Variants in MORC1 observed in about 807,000 individuals in gnomAD.
MORC1 encodes MORC family CW-type zinc finger 1.
In MORC1, 59 loss-of-function variants were observed where a neutral mutation model predicts 134.9. The ratio of observed to expected loss-of-function variants is 0.44; its 90% confidence interval spans 0.35 to 0.54. MORC1 has a LOEUF of 0.54. Ranked by LOEUF, MORC1 falls within the 20% of genes least tolerant of loss-of-function variation. The probability of loss-of-function intolerance (pLI) is 0.00; values close to 1 mark genes in which losing one functional copy is unlikely to be tolerated. For missense variants in MORC1, 947 were observed against 1,134.5 expected (o/e 0.83, Z 2.37); for synonymous variants, 395 against 391.7 (o/e 1.01, Z -0.10).
At chr3:108,961,658 A>G (rs1444241931) in intron 27 of MORC1, among the ~76,000 whole-genome samples, 1 of 152,192 alleles carries the variant, frequency 6.6e-6, no homozygotes, top group African/African-American at 2.4e-5. Context: ...GAGCCCTTTG[A>G]GTACCTCTCC....
At chr3:109,111,651 G>A (rs1422346651) in intron 2 of MORC1, among the ~76,000 whole-genome samples, 1 of 152,174 alleles carries the variant, frequency 6.6e-6, no homozygotes, top group Admixed American at 6.5e-5. Context: ...GCATAGGCAA[G>A]GAAGACTTAG....
chr3:109,063,841 C>G (rs1349224813), intron 9 of MORC1, among the ~76,000 whole-genome samples: 1 of 152,084 alleles, frequency 6.6e-6, no homozygotes, highest in African/African-American at 2.4e-5. Flanking sequence ...GAGAAAAGCT[C>G]TACAGAACCT....
At chr3:109,087,807 C>T (rs1950644652) in intron 8 of MORC1, among the ~76,000 whole-genome samples, 1 of 152,046 alleles carries the variant, frequency 6.6e-6, no homozygotes, top group East Asian at 1.9e-4. Context: ...GGAGGCACCA[C>T]ATTACCCGAC....
chr3:109,111,166 T>C (rs1951162271), intron 2 of MORC1, among the ~76,000 whole-genome samples: 1 of 151,586 alleles, frequency 6.6e-6, no homozygotes, highest in Non-Finnish European at 1.5e-5. Context: ...GGTAATAGTG[T>C]ACTATAAGAA....
rs549195685 is a variant in MORC1, at chr3:109,009,447, G to A, written c.1705-2356C>T. On this transcript the variant is annotated intron_variant, in intron 17 of 27. Coordinates refer to ENST00000232603, the MANE Select transcript of MORC1 (RefSeq NM_014429.4). ...TCTCCATCTCTTGACCTCATGATCCGCCCACCTCAGCCTCCCAAAGTGCTG... is the reference window on the plus strand; with the variant it reads ...TCTCCATCTCTTGACCTCATGATCCACCCACCTCAGCCTCCCAAAGTGCTG... Among the ~76,000 whole-genome samples the A allele has an allele frequency of 2.6e-5, 4 of 151,886 alleles. No individual in the cohort carries two copies. In the South Asian group the frequency reaches 6.2e-4, roughly 24 times the overall value.
At chr3:108,967,322 T>C (rs1188530509) in intron 26 of MORC1, among the ~76,000 whole-genome samples, 1 of 152,194 alleles carries the variant, frequency 6.6e-6, no homozygotes, top group Non-Finnish European at 1.5e-5. Flanking sequence ...AACAGCTGTA[T>C]GACAGTATAA....
At chr3:109,029,248 C>A (rs916622727) in intron 16 of MORC1, among the ~76,000 whole-genome samples, 2 of 152,170 alleles carry the variant, frequency 1.3e-5, no homozygotes, top group African/African-American at 4.8e-5. Context: ...GTTAGGTAAA[C>A]AAATTCTAGG....
At chr3:109,077,566 T>C (rs1950445812) in intron 8 of MORC1, among the ~76,000 whole-genome samples, 1 of 152,042 alleles carries the variant, frequency 6.6e-6, no homozygotes, top group South Asian at 2.1e-4. Context: ...TGAAAGTATA[T>C]AATGGAGCAA....
At position 109,041,451 on chromosome 3, in the gene MORC1, C is replaced by A. The variant is rs189598253; in HGVS notation, c.1331-5983G>T. Among the ~76,000 whole-genome samples the A allele has an allele frequency of 3.3e-4, 50 of 152,202 alleles. 1 individual carries two copies. In the East Asian group the frequency reaches 8.9e-3, roughly 27 times the overall value. The stretch of plus-strand genomic sequence containing the variant: ...AAGTGGCCAGGCACAGTGGCTCACA[C>A]CTGTAATTCTAGCACTTTGGGAGGC... On this transcript the variant is annotated intron_variant, in intron 14 of 27. Transcript: ENST00000232603.
At chr3:109,015,956 T>G (rs1948807870) in intron 17 of MORC1, among the ~76,000 whole-genome samples, 1 of 152,210 alleles carries the variant, frequency 6.6e-6, no homozygotes, top group Non-Finnish European at 1.5e-5. Flanking sequence ...TTGGAATATT[T>G]GCATATATAT....
chr3:109,006,999 A>G (rs746264206), intron 18 of MORC1, 30 bp downstream of exon 18: 2 of 1,537,846 alleles, frequency 1.3e-6, no homozygotes, highest in Non-Finnish European at 1.8e-6. Flanking sequence ...AACATGACAC[A>G]AATTGCTTAA....
chr3:109,057,621 C>T, intron 12 of MORC1, 135 bp from the exon 13 acceptor site: 2 of 647,602 alleles, frequency 3.1e-6, no homozygotes, highest in South Asian at 3.3e-5. Context: ...CTGGTAGGCA[C>T]ACTCAGTTGT....
At chr3:109,044,796 T>C (rs934873936) in intron 14 of MORC1, among the ~76,000 whole-genome samples, 7 of 150,838 alleles carry the variant, frequency 4.6e-5, no homozygotes, top group Non-Finnish European at 8.9e-5. Flanking sequence ...ACACAAAAAA[T>C]TAGCCAGGTG....
intron 13 of MORC1, among the ~76,000 whole-genome samples, chr3:109,056,892 C>T (rs1312486031): frequency 6.6e-6 from 1 of 152,132 alleles, no homozygotes; most frequent in African/African-American, 2.4e-5. Context: ...ATGTATTACG[C>T]TAAAATCCAA....
chr3:109,089,914 A>G (rs1035952303), intron 8 of MORC1, among the ~76,000 whole-genome samples: 5 of 152,106 alleles, frequency 3.3e-5, no homozygotes, highest in Non-Finnish European at 7.3e-5. Context: ...TTACGGCGAC[A>G]TATAAATTTA....
chr3:109,079,068 T>C (rs1228340380), intron 8 of MORC1, among the ~76,000 whole-genome samples: 3 of 152,038 alleles, frequency 2.0e-5, no homozygotes, highest in Non-Finnish European at 4.4e-5. Flanking sequence ...TCACTTTACG[T>C]AAACTCTTCC....
chr3:109,095,684 T>C (rs1467317281), intron 6 of MORC1, among the ~76,000 whole-genome samples: 1 of 152,150 alleles, frequency 6.6e-6, no homozygotes, highest in East Asian at 1.9e-4. Flanking sequence ...AAAGTATACT[T>C]AGCAGATGCT....
At chr3:108,970,903 TA>T (rs773794498) in intron 25 of MORC1, among the ~76,000 whole-genome samples, 113 of 152,358 alleles carry the variant, frequency 7.4e-4, no homozygotes, top group Non-Finnish European at 1.3e-3. Flanking sequence ...GGAGATTTGG[TA>T]AACACAATTT....
chr3:109,060,637 A>T (rs1341019093), intron 11 of MORC1, among the ~76,000 whole-genome samples: 3 of 152,128 alleles, frequency 2.0e-5, no homozygotes, highest in Non-Finnish European at 4.4e-5. Flanking sequence ...GTTGGCAAGT[A>T]TTCCATTTAA....
Sources: gnomAD v4.1 joint callset for allele counts (sites outside exome capture counted in the v4.1 genomes callset) on GRCh38, gnomAD v4.1.1 for gene constraint, MANE v1.5 for transcripts, NCBI Gene and HGNC (gene_info 2026-07-23, HGNC 2026-07-21) for gene names.